Variants in PDE4B observed in about 807,000 individuals in gnomAD.
The protein encoded by PDE4B is phosphodiesterase 4B.
PDE4B carries 20 observed loss-of-function variants against 82.2 expected under a neutral mutation model. The ratio of observed to expected loss-of-function variants is 0.24; its 90% confidence interval spans 0.17 to 0.35. The LOEUF (loss-of-function observed/expected upper bound fraction) is 0.35. Among genes scored for constraint, PDE4B ranks in the 10% least tolerant of loss-of-function variants. The pLI, the probability that PDE4B is intolerant of heterozygous loss-of-function variation, is 1.00. For synonymous variants in PDE4B, 320 were observed against 318.9 expected (o/e 1.00, Z -0.04); for missense variants, 655 against 907.2 (o/e 0.72, Z 3.57).
intron 9 of PDE4B, among the ~76,000 whole-genome samples, chr1:66,361,213 A>G (rs1662736995): frequency 6.6e-6 from 1 of 152,158 alleles, no homozygotes; most frequent in African/African-American, 2.4e-5. Context: ...AAATATGTTA[A>G]TCCCTTTATT....
intron 7 of PDE4B, among the ~76,000 whole-genome samples, chr1:66,309,147 A>T (rs1658494224): frequency 6.6e-6 from 1 of 152,216 alleles, no homozygotes; most frequent in Admixed American, 6.5e-5. Context: ...TAGTCCTGGA[A>T]GAAGATTTAA....
At chr1:66,186,836 G>A (rs568189172) in intron 3 of PDE4B, among the ~76,000 whole-genome samples, 2 of 152,194 alleles carry the variant, frequency 1.3e-5, no homozygotes, top group South Asian at 2.1e-4. Context: ...TCCTTCTCCT[G>A]CCTAATTGCC....
chr1:65,855,585 G>T (rs1646383045), intron 1 of PDE4B, among the ~76,000 whole-genome samples: 1 of 152,148 alleles, frequency 6.6e-6, no homozygotes, highest in African/African-American at 2.4e-5. Context: ...TGAACTGACA[G>T]CCACCTGATT....
chr1:66,078,345 T>C (rs748520959), intron 3 of PDE4B, among the ~76,000 whole-genome samples: 4 of 152,102 alleles, frequency 2.6e-5, no homozygotes, highest in Non-Finnish European at 4.4e-5. Flanking sequence ...TACAGGCACA[T>C]GTCACCACGC....
intron 8 of PDE4B, among the ~76,000 whole-genome samples, chr1:66,345,834 G>A (rs1298116147): frequency 5.9e-5 from 9 of 152,142 alleles, no homozygotes. Context: ...TGAAAAAAGG[G>A]AAAGCTTATT....
intron 4 of PDE4B, among the ~76,000 whole-genome samples, chr1:66,248,843 T>G (rs1653529117): frequency 6.6e-6 from 1 of 152,206 alleles, no homozygotes; most frequent in Admixed American, 6.5e-5. Flanking sequence ...GCACTTCCCA[T>G]GGAGCCGAGC....
chr1:65,825,702 TTACCTATCTATCTATCTATC>T (rs1361958003), intron 1 of PDE4B, among the ~76,000 whole-genome samples: 28 of 130,390 alleles, frequency 2.1e-4, no homozygotes, highest in Admixed American at 5.4e-4. Flanking sequence ...AAAAACAAAA[TTACCTATCTATCTATCTATC>T]TATCTATCTA....
At chr1:65,900,664 A>G (rs1290089984) in intron 1 of PDE4B, among the ~76,000 whole-genome samples, 1 of 151,896 alleles carries the variant, frequency 6.6e-6, no homozygotes, top group African/African-American at 2.4e-5. Flanking sequence ...TTCTAAAGAT[A>G]TTTCACCTCC....
chr1:66,320,596 A>G (rs1024897778), intron 7 of PDE4B, among the ~76,000 whole-genome samples: 2 of 152,210 alleles, frequency 1.3e-5, no homozygotes, highest in African/African-American at 4.8e-5. Flanking sequence ...TTGGTAATGC[A>G]TAGCCCATCT....
chr1:65,846,655 A>G (rs573819058), intron 1 of PDE4B, among the ~76,000 whole-genome samples: 1 of 152,336 alleles, frequency 6.6e-6, no homozygotes, highest in African/African-American at 2.4e-5. Context: ...ATTGTTGCCT[A>G]CATTGTATTT....
At chr1:66,259,067 G>A (rs1654479150) in intron 6 of PDE4B, among the ~76,000 whole-genome samples, 1 of 152,072 alleles carries the variant, frequency 6.6e-6, no homozygotes, top group Admixed American at 6.5e-5. Flanking sequence ...TAGTTGCTTG[G>A]GTTTATATGT....
intron 3 of PDE4B, among the ~76,000 whole-genome samples, chr1:66,082,522 T>C (rs1656793461): frequency 6.6e-6 from 1 of 152,030 alleles, no homozygotes; most frequent in South Asian, 2.1e-4. Context: ...CTTGGCTCTG[T>C]CATTTTCTAG....
At chr1:66,095,018 C>G (rs143940315) in intron 3 of PDE4B, among the ~76,000 whole-genome samples, 1,551 of 151,886 alleles carry the variant, frequency 0.01, 9 homozygotes, top group Middle Eastern at 0.034. Context: ...AGTAAAATTT[C>G]CAAGATCACA....
At chr1:66,080,741 T>C (rs1656679898) in intron 3 of PDE4B, among the ~76,000 whole-genome samples, 1 of 152,118 alleles carries the variant, frequency 6.6e-6, no homozygotes, top group African/African-American at 2.4e-5. Flanking sequence ...AAATGTATTT[T>C]TCTTTTCTTC....
chr1:66,369,119 A>T lies in PDE4B; in HGVS notation c.1845+150A>T. On this transcript the variant is annotated intron_variant, in intron 16 of 16. Coordinates refer to ENST00000341517, the MANE Select transcript of PDE4B (RefSeq NM_002600.4). ...TTTTGTTCCATTATAGTCAGGACTC[A>T]TGCGACTTCTCCATTACACTCAGTT... 3 of 575,804 alleles carry T rather than the reference A, an allele frequency of 5.2e-6. No individual in the cohort carries two copies. In the South Asian group the frequency reaches 9.4e-5, roughly 18 times the overall value. The allele number at this position is 575,804 out of a possible 1,614,324, so 35.7% of individuals were successfully genotyped here. A position where few individuals can be genotyped will look rare whatever the true frequency, so the allele number is the denominator to read the frequency against.
chr1:66,101,355 G>T (rs1055589367), intron 3 of PDE4B, among the ~76,000 whole-genome samples: 8 of 152,136 alleles, frequency 5.3e-5, no homozygotes, highest in Non-Finnish European at 1.2e-4. Context: ...CCAGTAACGG[G>T]ATGGCTGGGT....
At chr1:65,836,660 C>CT (rs1308395354) in intron 1 of PDE4B, among the ~76,000 whole-genome samples, 4 of 152,088 alleles carry the variant, frequency 2.6e-5, no homozygotes, top group Non-Finnish European at 1.5e-5. Flanking sequence ...AACTCCTTTA[C>CT]TTTTTTGTTT....
chr1:66,021,825 G>A (rs1235219767), intron 3 of PDE4B, among the ~76,000 whole-genome samples: 1 of 152,172 alleles, frequency 6.6e-6, no homozygotes, highest in African/African-American at 2.4e-5. Flanking sequence ...GAACTTTAAA[G>A]TAGTTTTTTC....
At chr1:65,902,952 G>A (rs902921902) in intron 1 of PDE4B, among the ~76,000 whole-genome samples, 1 of 152,164 alleles carries the variant, frequency 6.6e-6, no homozygotes, top group Non-Finnish European at 1.5e-5. Context: ...GCCAAGTTAT[G>A]CAACCAACTA....
Sources: gnomAD v4.1 joint callset for allele counts (sites outside exome capture counted in the v4.1 genomes callset) on GRCh38, gnomAD v4.1.1 for gene constraint, MANE v1.5 for transcripts, NCBI Gene and HGNC (gene_info 2026-07-23, HGNC 2026-07-21) for gene names.